Variants in DDX6 observed in about 807,000 individuals in gnomAD.
The protein encoded by DDX6 is DEAD-box helicase 6.
A neutral mutation model predicts 60.6 loss-of-function variants in DDX6; 7 were observed. The ratio of observed to expected loss-of-function variants is 0.12; its 90% CI spans 0.07 to 0.22. The LOEUF (loss-of-function observed/expected upper bound fraction) is 0.22. Among genes scored for constraint, DDX6 ranks in the 10% least tolerant of loss-of-function variants. The pLI, the probability that DDX6 is intolerant of heterozygous loss-of-function variation, is 1.00. For synonymous variants in DDX6, 207 were observed against 201.0 expected (o/e 1.03, Z -0.25); for missense variants, 270 against 589.9 (o/e 0.46, Z 5.62).
chr11:118,758,786 T>C lies in DDX6; in HGVS notation c.981A>G (p.Thr327=), dbSNP rs1861065776. ...GCCTACTTCTTACCCTGGAGAAAAGTGTGTTGAGGCAGTGTACTTTTTGGC... is the reference window on the plus strand; with the variant it reads ...GCCTACTTCTTACCCTGGAGAAAAGCGTGTTGAGGCAGTGTACTTTTTGGC... ...TERQKVHCLN[T]LFSRLQINQS... Residue 327 remains threonine (T), a synonymous_variant, in exon 9 of 14, where the codon ACA becomes ACG. Coordinates refer to ENST00000534980, the MANE Select transcript of DDX6 (RefSeq NM_004397.6). The C allele has an allele frequency of 6.2e-7, 1 of 1,613,386 alleles. No individual in the cohort carries two copies. Among genetic ancestry groups the C allele is most frequent in the Non-Finnish European group, 8.5e-7 (1 of 1,179,716 alleles).
chr11:118,790,685 C>T (rs917266315), intron 1 of DDX6, among the ~76,000 whole-genome samples: 2 of 152,160 alleles, frequency 1.3e-5, no homozygotes, highest in Admixed American at 6.5e-5. Flanking sequence ...CTGCGCACCA[C>T]ATTCCTATAT....
chr11:118,769,685 A>G (rs1861471551), intron 4 of DDX6, among the ~76,000 whole-genome samples: 1 of 28,838 alleles, frequency 3.5e-5, no homozygotes, highest in East Asian at 2.9e-3. Context: ...GATCGTTGAA[A>G]AATTGTTAAA....
intron 7 of DDX6, among the ~76,000 whole-genome samples, chr11:118,760,397 G>T (rs1203205563): frequency 6.6e-6 from 1 of 152,128 alleles, no homozygotes; most frequent in Admixed American, 6.6e-5. Flanking sequence ...GAACTTCCTG[G>T]GCTCAAGTGA....
At position 118,752,075 on chromosome 11, in the gene DDX6, A is replaced by T; in HGVS notation, c.*30T>A. ...AAACGATGTGTCACAGATCCAAACG[A>T]GCCTTTTGTAATTTGTCAAAGCCTA... On this transcript the variant is annotated 3_prime_UTR_variant, in exon 14 of 14. Coordinates refer to ENST00000534980, the MANE Select transcript of DDX6 (RefSeq NM_004397.6). 1 of 226,680 alleles carries T rather than the reference A, an allele frequency of 4.4e-6. No individual in the cohort carries two copies. Among genetic ancestry groups the T allele is most frequent in the South Asian group, 4.8e-5 (1 of 20,806 alleles). 14.0% of individuals were successfully genotyped at this position (226,680 alleles called of 1,614,324 possible).
intron 7 of DDX6, among the ~76,000 whole-genome samples, chr11:118,761,639 GA>G (rs1555160168): frequency 3.3e-5 from 5 of 151,860 alleles, no homozygotes. Context: ...AAACAAAAAA[GA>G]AAAAACTTGA....
intron 4 of DDX6, among the ~76,000 whole-genome samples, chr11:118,770,288 A>G (rs781814427): frequency 1.3e-5 from 2 of 152,120 alleles, no homozygotes; most frequent in Non-Finnish European, 2.9e-5. Flanking sequence ...TCGGCCTCCC[A>G]AAGTGTTGGG....
At chr11:118,759,094 C>T (rs1555159632) in intron 8 of DDX6, 192 bp from the exon 9 acceptor site, 3 of 659,954 alleles carry the variant, frequency 4.5e-6, no homozygotes, top group Non-Finnish European at 7.1e-6. Context: ...AAATCTTGCT[C>T]TGTCACCCAG....
At chr11:118,761,872 A>AAC (rs1483598411) in intron 7 of DDX6, among the ~76,000 whole-genome samples, 25 of 151,818 alleles carry the variant, frequency 1.6e-4, no homozygotes, top group Admixed American at 4.6e-4. Context: ...AAAAAAAAAA[A>AAC]AAAAAACAAA....
chr11:118,752,022 AC>A lies in DDX6; in HGVS notation c.*82del. ...ATAGTTCCAAAATAAAAGATGAAAA[AC>A]CCACAAAGAGAGGAGCATTCCCCCC... On this transcript the variant is annotated 3_prime_UTR_variant, in exon 14 of 14. Transcript: ENST00000534980. 3.2e-6 allele frequency: 1 copy of A among 309,594 alleles called. No individual in the cohort carries two copies. Among genetic ancestry groups the A allele is most frequent in the Non-Finnish European group, 6.4e-6 (1 of 156,832 alleles). The allele number at this position is 309,594 out of a possible 1,614,324, so 19.2% of individuals were successfully genotyped here. A position where few individuals can be genotyped will look rare whatever the true frequency, so the allele number is the denominator to read the frequency against.
rs114785041 is a variant in DDX6, at chr11:118,787,832, G to A, written c.-267-1314C>T. ...ATTTTGAAATTGACAAAACCAAGAT[G>A]ACTCTAATAATTTTATTCATTTATA... On this transcript the variant is annotated intron_variant, in intron 1 of 13. Transcript: ENST00000534980. The A allele has an allele frequency of 6.5e-3, 989 of 151,892 alleles. 15 individuals are homozygous for A. The highest frequency in any genetic ancestry group is 0.022 in the African/African-American group (914 of 41,416). 9.4% of individuals were successfully genotyped at this position (151,892 alleles called of 1,614,324 possible).
chr11:118,774,719 CA>C (rs779213858), intron 4 of DDX6, among the ~76,000 whole-genome samples: 264 of 152,180 alleles, frequency 1.7e-3, no homozygotes, highest in Middle Eastern at 6.8e-3. Context: ...CCACTGCACC[CA>C]GCCAATTCTC....
At chr11:118,781,538 T>C (rs1032287771) in intron 2 of DDX6, among the ~76,000 whole-genome samples, 2 of 152,232 alleles carry the variant, frequency 1.3e-5, no homozygotes, top group Non-Finnish European at 2.9e-5. Flanking sequence ...ATATATCTTA[T>C]ATAACTCCTG....
At chr11:118,768,987 C>CAAAAAAAAAAAAAAAAAAAAAAAA (rs782136763) in intron 4 of DDX6, among the ~76,000 whole-genome samples, 1 of 39,984 alleles carries the variant, frequency 2.5e-5, no homozygotes, top group African/African-American at 1.0e-4. Flanking sequence ...CGTCTCATCT[C>CAAAAAAAAAAAAAAAAAAAAAAAA]AAAAAAAAAA....
intron 4 of DDX6, among the ~76,000 whole-genome samples, chr11:118,777,107 A>G (rs1264538131): frequency 6.6e-6 from 1 of 152,076 alleles, no homozygotes; most frequent in Non-Finnish European, 1.5e-5. Context: ...TTCCAACTAG[A>G]AAGGTACTCA....
chr11:118,754,329 C>T (rs1166177608), intron 13 of DDX6, among the ~76,000 whole-genome samples: 2 of 152,162 alleles, frequency 1.3e-5, no homozygotes, highest in African/African-American at 4.8e-5. Context: ...TACTCAGGAG[C>T]CCAGGAGAAC....
intron 4 of DDX6, among the ~76,000 whole-genome samples, chr11:118,775,779 A>G (rs2137511372): frequency 6.6e-6 from 1 of 152,330 alleles, no homozygotes; most frequent in African/African-American, 2.4e-5. Context: ...ACAAGTAACA[A>G]AGTTAATTTT....
chr11:118,751,883 G>A lies in DDX6; in HGVS notation c.*222C>T, dbSNP rs1555157467. 2.3e-6 allele frequency: 1 copy of A among 438,066 alleles called. No homozygotes were observed. Among genetic ancestry groups the A allele is most frequent in the East Asian group, 7.6e-5 (1 of 13,218 alleles). The allele number at this position is 438,066 out of a possible 1,614,324, so 27.1% of individuals were successfully genotyped here. Reference sequence around the variant, plus strand: ...AAAACCAGCAGTTAGTGCAACTAATGTTCAGTCAGCACACAGTGCAAACAA... The same window carrying A: ...AAAACCAGCAGTTAGTGCAACTAATATTCAGTCAGCACACAGTGCAAACAA... On this transcript the variant is annotated 3_prime_UTR_variant, in exon 14 of 14. Coordinates refer to ENST00000534980, the MANE Select transcript of DDX6 (RefSeq NM_004397.6).
chr11:118,756,017 C>T (rs1430586518), intron 11 of DDX6, among the ~76,000 whole-genome samples: 1 of 8,038 alleles, frequency 1.2e-4, no homozygotes, highest in South Asian at 9.1e-3. Flanking sequence ...CCATCCCCCT[C>T]CCCCCCCCCC....
At chr11:118,765,798 A>G (rs61901406) in intron 5 of DDX6, among the ~76,000 whole-genome samples, 252 of 2,692 alleles carry the variant, frequency 0.094, no homozygotes, top group African/African-American at 0.28. Context: ...AAAAAAAAAT[A>G]GCCTAGGCAC....
Sources: gnomAD v4.1 joint callset for allele counts (sites outside exome capture counted in the v4.1 genomes callset) on GRCh38, gnomAD v4.1.1 for gene constraint, MANE v1.5 for transcripts, NCBI Gene and HGNC (gene_info 2026-07-23, HGNC 2026-07-21) for gene names.